Variants in EVI5 observed in about 807,000 individuals in gnomAD.
The protein encoded by EVI5 is ecotropic viral integration site 5, also known as ecotropic viral integration site 5 protein homolog.
EVI5 carries 73 observed loss-of-function variants against 112.0 expected under a neutral mutation model. That is an observed-to-expected ratio of 0.65 (90% CI 0.54 to 0.79). EVI5 has a LOEUF of 0.79. Among genes scored for constraint, EVI5 ranks in the 30% least tolerant of loss-of-function variants. The probability of loss-of-function intolerance (pLI) is 0.00; values close to 1 mark genes in which losing one functional copy is unlikely to be tolerated. For synonymous variants in EVI5, 305 were observed against 319.9 expected (o/e 0.95, Z 0.50); for missense variants, 900 against 968.8 (o/e 0.93, Z 0.94).
chr1:92,598,272 G>A (rs1427592797), intron 18 of EVI5, among the ~76,000 whole-genome samples: 2 of 152,038 alleles, frequency 1.3e-5, no homozygotes, highest in Non-Finnish European at 2.9e-5. Context: ...GGAGGGAGTG[G>A]AGCAGAAAAA....
chr1:92,704,790 AT>A, intron 2 of EVI5, 46 bp from the exon 3 acceptor site: 1 of 881,346 alleles, frequency 1.1e-6, no homozygotes, highest in Non-Finnish European at 1.7e-6. Flanking sequence ...GGACAGTGAT[AT>A]TAGAAGAGGC....
intron 18 of EVI5, among the ~76,000 whole-genome samples, chr1:92,590,579 G>T (rs867762123): frequency 3.1e-4 from 47 of 152,248 alleles, no homozygotes; most frequent in South Asian, 2.9e-3. Context: ...ATAATAAAAA[G>T]AAATGAACAG....
At chr1:92,628,611 T>C (rs1656207599) in intron 14 of EVI5, among the ~76,000 whole-genome samples, 1 of 152,092 alleles carries the variant, frequency 6.6e-6, no homozygotes, top group Admixed American at 6.6e-5. Flanking sequence ...TATTAAAAGA[T>C]AAAAAGGATA....
At chr1:92,791,436 A>G (rs1183136398) in intron 1 of EVI5, among the ~76,000 whole-genome samples, 1 of 152,240 alleles carries the variant, frequency 6.6e-6, no homozygotes, top group Non-Finnish European at 1.5e-5. Context: ...GGAATAATAT[A>G]TGCCATGTGT....
At chr1:92,517,889 T>C (rs1167233961) in intron 19 of EVI5, among the ~76,000 whole-genome samples, 1 of 147,482 alleles carries the variant, frequency 6.8e-6, no homozygotes, top group Non-Finnish European at 1.5e-5. Flanking sequence ...TATATGCTTT[T>C]TTTTTTTTTT....
intron 2 of EVI5, among the ~76,000 whole-genome samples, chr1:92,724,819 A>AAT (rs1553256539): frequency 5.9e-5 from 9 of 152,074 alleles, no homozygotes; most frequent in South Asian, 2.1e-4. Flanking sequence ...AAAAAAAATA[A>AAT]ATATATATAT....
chr1:92,593,036 T>C (rs911911452), intron 18 of EVI5, among the ~76,000 whole-genome samples: 4 of 152,064 alleles, frequency 2.6e-5, no homozygotes, highest in Admixed American at 6.6e-5. Context: ...TTCCAATCAA[T>C]AGAAAAAGAG....
At chr1:92,528,166 T>TA (rs1332360783) in intron 19 of EVI5, among the ~76,000 whole-genome samples, 1 of 152,204 alleles carries the variant, frequency 6.6e-6, no homozygotes, top group African/African-American at 2.4e-5. Flanking sequence ...TAATAGAAAA[T>TA]ACAACACTGA....
intron 16 of EVI5, among the ~76,000 whole-genome samples, chr1:92,609,511 C>A (rs1014441868): frequency 1.3e-5 from 2 of 152,106 alleles, no homozygotes; most frequent in East Asian, 1.9e-4. Context: ...GCACCCACCA[C>A]CATGCCCAGC....
chr1:92,636,409 A>G, intron 13 of EVI5, 73 bp from the exon 14 acceptor site: 1 of 1,279,336 alleles, frequency 7.8e-7, no homozygotes, highest in Non-Finnish European at 1.1e-6. Flanking sequence ...CAATGCAACC[A>G]CATAATACAG....
intron 19 of EVI5, among the ~76,000 whole-genome samples, chr1:92,563,238 TA>T (rs1668908553): frequency 1.3e-5 from 2 of 152,094 alleles, no homozygotes; most frequent in African/African-American, 4.8e-5. Flanking sequence ...TCATGAGCGG[TA>T]AAAGAAGACA....
In EVI5 at chr1:92,756,256, C is replaced by G. The variant is rs563599631; in HGVS notation, c.-81-19629G>C. On this transcript the variant is annotated intron_variant, in intron 1 of 19. Coordinates refer to ENST00000684568, the MANE Select transcript of EVI5 (RefSeq NM_001350197.2). Reference sequence around the variant, plus strand: ...TCCGCCTTCCAACAGCTGCCCATTTCATTGAATTTGTTCTCTCTGAAGTAG... The same window carrying G: ...TCCGCCTTCCAACAGCTGCCCATTTGATTGAATTTGTTCTCTCTGAAGTAG... 69 of 430,288 alleles carry G rather than the reference C, an allele frequency of 1.6e-4. 2 individuals are homozygous for G. In the Admixed American group the frequency reaches 1.7e-3, roughly 11 times the overall value. The allele number at this position is 430,288 out of a possible 1,614,324, so 26.7% of individuals were successfully genotyped here.
At chr1:92,763,855 C>A (rs1240310276) in intron 1 of EVI5, among the ~76,000 whole-genome samples, 1 of 151,870 alleles carries the variant, frequency 6.6e-6, no homozygotes, top group Non-Finnish European at 1.5e-5. Flanking sequence ...CTATAAGCAA[C>A]AGTTTCTAAA....
Position 92,659,040 on chromosome 1 carries a change from T to C in EVI5, c.1392+3679A>G, listed in dbSNP as rs144214708. Among the ~76,000 whole-genome samples, 419 of 152,088 alleles carry C rather than the reference T, an allele frequency of 2.8e-3. 6 individuals carry two copies. The highest frequency in any genetic ancestry group is 9.8e-3 in the African/African-American group (406 of 41,514). On this transcript the variant is annotated intron_variant, in intron 13 of 19. Transcript: ENST00000684568. ...ATTAGCCATATGAAGAAGAATGAAA[T>C]TGGATTCATATCTCTCATCATTTAC...
intron 18 of EVI5, among the ~76,000 whole-genome samples, chr1:92,596,392 C>A (rs1487449221): frequency 6.6e-6 from 1 of 151,956 alleles, no homozygotes; most frequent in Non-Finnish European, 1.5e-5. Context: ...ACAAAAAAAA[C>A]CCCAAAACCA....
At chr1:92,659,827 TC>T (rs1663666162) in intron 13 of EVI5, among the ~76,000 whole-genome samples, 1 of 152,040 alleles carries the variant, frequency 6.6e-6, no homozygotes, top group Non-Finnish European at 1.5e-5. Flanking sequence ...AGATATGGAA[TC>T]AACCTAAGTA....
At position 92,714,278 on chromosome 1, in the gene EVI5, A is replaced by G. The variant is rs1673285639; in HGVS notation, c.150-9534T>C. The G allele has an allele frequency of 1.5e-5, 4 of 272,938 alleles. No individual in the cohort carries two copies. The South Asian group carries it at 5.6e-4, about 38-fold the overall frequency. The allele number at this position is 272,938 out of a possible 1,614,324, so 16.9% of individuals were successfully genotyped here. On this transcript the variant is annotated intron_variant, in intron 2 of 19. Transcript: ENST00000684568. ...GATATTTTCATGTTTCTTAAATTTT[A>G]ATTTTCTAAAATGTTATTTTTATAC...
intron 13 of EVI5, among the ~76,000 whole-genome samples, chr1:92,659,158 ACCTGG>A (rs1313161609): frequency 2.6e-5 from 4 of 152,156 alleles, no homozygotes; most frequent in Admixed American, 6.5e-5. Flanking sequence ...CTAGAAGAAA[ACCTGG>A]GAAGAACCTA....
At chr1:92,771,408 C>A (rs898188559) in intron 1 of EVI5, among the ~76,000 whole-genome samples, 4 of 151,160 alleles carry the variant, frequency 2.6e-5, no homozygotes, top group African/African-American at 9.8e-5. Context: ...CCCTTTAAAT[C>A]TTTTCCTCCA....
Sources: allele counts gnomAD v4.1 joint callset (sites outside exome capture counted in the v4.1 genomes callset), GRCh38; gene constraint gnomAD v4.1.1; transcripts MANE v1.5; gene names NCBI Gene and HGNC (gene_info 2026-07-23, HGNC 2026-07-21).